ZMYM1: variants seen among roughly 807,000 people sequenced by gnomAD.
The protein encoded by ZMYM1 is zinc finger MYM-type protein 1.
Under a neutral mutation model 60.0 loss-of-function variants are expected in ZMYM1, and 39 were observed. The observed-to-expected ratio is 0.65, with a 90% CI of 0.50 to 0.85. ZMYM1 has a LOEUF of 0.85. Among genes scored for constraint, ZMYM1 ranks in the 40% least tolerant of loss-of-function variants. The pLI is 0.00. For missense variants in ZMYM1, 1,171 were observed against 1,309.5 expected (o/e 0.89, Z 1.63); for synonymous variants, 413 against 454.0 (o/e 0.91, Z 1.15).
At chr1:35,104,139 T>C (rs1412558967) in intron 4 of ZMYM1, 156 bp from the exon 5 acceptor site, 1 of 618,386 alleles carries the variant, frequency 1.6e-6, no homozygotes, top group Non-Finnish European at 2.7e-6. Context: ...AATTAAAATT[T>C]AGGGAGTATA....
chr1:35,073,001 G>A (rs2148479432), intron 1 of ZMYM1, among the ~76,000 whole-genome samples: 1 of 152,052 alleles, frequency 6.6e-6, no homozygotes. Flanking sequence ...AGAATCACTT[G>A]AACCTGGGAG....
At chr1:35,106,608 CAAAAAAA>C (rs752085700) in intron 6 of ZMYM1, among the ~76,000 whole-genome samples, 15 of 38,860 alleles carry the variant, frequency 3.9e-4, no homozygotes, top group East Asian at 3.3e-3. Context: ...GACTCCGTCT[CAAAAAAA>C]AAAAAAAAAA....
rs1418183703 is a variant in ZMYM1, at chr1:35,114,096, A to G, written c.2266A>G (p.Arg756Gly). 6.2e-7 allele frequency: 1 copy of G among 1,612,826 alleles called. No homozygotes were observed. The highest frequency in any genetic ancestry group is 8.5e-7 in the Non-Finnish European group (1 of 1,179,610). ...ACACTTTTTGGATTTATCAATAATT[A>G]GGTTTTGTAAAGAAGTAAAAGAACT... is the stretch of plus-strand genomic sequence containing the variant. ...YAHFLDLSII[R>G]FCKEVKELRS... The change falls in exon 10 of 10, where the codon AGG (arginine) becomes GGG (glycine). Residue 756 changes from arginine to glycine, a missense_variant. By Grantham distance (125) the Arg-to-Gly change is moderately radical. Coordinates refer to ENST00000359858, the MANE Select transcript of ZMYM1 (RefSeq NM_024772.5).
chr1:35,095,930 C>G, intron 3 of ZMYM1, 39 bp downstream of exon 3: 1 of 1,394,508 alleles, frequency 7.2e-7, no homozygotes, highest in Non-Finnish European at 1.0e-6. Context: ...TTATTCAGAC[C>G]AATACGACAG....
rs752498281 is a variant in ZMYM1 at position 35,114,201 on chromosome 1, AT to A, written c.2374del (p.Tyr792IlefsTer3). 3 of 1,612,944 alleles carry A rather than the reference AT, an allele frequency of 1.9e-6. No individual in the cohort carries two copies. In the East Asian group the frequency reaches 6.7e-5, roughly 36 times the overall value. On this transcript the variant is annotated frameshift_variant, in exon 10 of 10. Coordinates refer to ENST00000359858, the MANE Select transcript of ZMYM1 (RefSeq NM_024772.5). LOFTEE classifies it high-confidence loss of function. ...SGEMLANFRN[I>X]YRLSQNKTCK... ...GGAAATGTTGGCAAATTTTCGAAAC[AT>A]TTATAGGCTAAGTCAAAACAAAACA...
At chr1:35,097,237 A>G in intron 3 of ZMYM1, 80 bp from the exon 4 acceptor site, 1 of 1,473,802 alleles carries the variant, frequency 6.8e-7, no homozygotes, top group East Asian at 2.3e-5. Context: ...CTCTAAAAAA[A>G]GAAAGAAAGA....
intron 8 of ZMYM1, 67 bp from the exon 9 acceptor site, chr1:35,112,020 A>G: frequency 2.6e-6 from 4 of 1,562,462 alleles, no homozygotes; most frequent in Non-Finnish European, 3.5e-6. Flanking sequence ...ATAAGCAAAT[A>G]TAGTTTATGA....
chr1:35,114,402 T>G lies in ZMYM1; in HGVS notation c.2572T>G (p.Phe858Val), dbSNP rs1233077797. ...HLLTLVSKFE[F>V]VFCLKFLYRV... ...GCTGACATTGGTTTCCAAATTTGAA[T>G]TTGTCTTTTGTTTGAAATTCCTGTA... The change falls in exon 10 of 10, where the codon TTT becomes GTT. Residue 858 changes from phenylalanine (F) to valine (V), a missense_variant. Transcript: ENST00000359858. 9.9e-6 allele frequency: 16 copies of G among 1,612,938 alleles called. No homozygotes were observed. The highest frequency in any genetic ancestry group is 1.3e-5 in the African/African-American group (1 of 74,914).
At chr1:35,090,278 G>A (rs1642926143) in intron 1 of ZMYM1, among the ~76,000 whole-genome samples, 1 of 152,044 alleles carries the variant, frequency 6.6e-6, no homozygotes, top group Admixed American at 6.6e-5. Flanking sequence ...GTGGCAGGAA[G>A]GGAAAGGGTT....
intron 4 of ZMYM1, among the ~76,000 whole-genome samples, chr1:35,099,845 G>A (rs1034181938): frequency 2.0e-5 from 3 of 152,024 alleles, no homozygotes; most frequent in African/African-American, 4.8e-5. Context: ...GATTACAGGT[G>A]TGAGCCACCG....
rs1302745975 is a variant in ZMYM1 at position 35,114,403 on chromosome 1, T to A, written c.2573T>A (p.Phe858Tyr). The A allele has an allele frequency of 1.9e-6, 3 of 1,613,004 alleles. No homozygotes were observed. The highest frequency in any genetic ancestry group is 2.5e-6 in the Non-Finnish European group (3 of 1,179,378). ...HLLTLVSKFEFVFCLKFLYRV... is the reference protein window; with the variant it reads ...HLLTLVSKFEYVFCLKFLYRV... ...CTGACATTGGTTTCCAAATTTGAATTTGTCTTTTGTTTGAAATTCCTGTAT... is the reference window on the plus strand; with the variant it reads ...CTGACATTGGTTTCCAAATTTGAATATGTCTTTTGTTTGAAATTCCTGTAT... The change falls in exon 10 of 10, where the codon TTT becomes TAT. Residue 858 changes from phenylalanine to tyrosine, a missense_variant. Coordinates refer to ENST00000359858, the MANE Select transcript of ZMYM1 (RefSeq NM_024772.5).
chr1:35,088,434 G>GTATATACATATATATA (rs1642781356), intron 1 of ZMYM1, among the ~76,000 whole-genome samples: 2 of 68,054 alleles, frequency 2.9e-5, no homozygotes, highest in Non-Finnish European at 6.2e-5. Flanking sequence ...GTGTTTATGT[G>GTATATACATATATATA]TATATATATA....
chr1:35,060,645 C>G (rs1641856893), intron 1 of ZMYM1, among the ~76,000 whole-genome samples: 1 of 152,158 alleles, frequency 6.6e-6, no homozygotes, highest in South Asian at 2.1e-4. Context: ...GCTGTGTCCT[C>G]AGCTCCCACA....
Position 35,114,521 on chromosome 1 carries a change from G to A in ZMYM1, c.2691G>A (p.Leu897=), listed in dbSNP as rs1644203209. 1.9e-6 allele frequency: 3 copies of A among 1,610,042 alleles called. No homozygotes were observed. Among genetic ancestry groups the A allele is most frequent in the Middle Eastern group, 1.7e-4 (1 of 6,046 alleles). Residue 897 remains leucine, a synonymous_variant, in exon 10 of 10, where the codon TTG becomes TTA. Coordinates refer to ENST00000359858, the MANE Select transcript of ZMYM1 (RefSeq NM_024772.5). Reference sequence around the variant, plus strand: ...TGTCTTCAAAAATAGAAGCAATTTTGGAATGTTTATCATCTGAAAGAAATG... The same window carrying A: ...TGTCTTCAAAAATAGAAGCAATTTTAGAATGTTTATCATCTGAAAGAAATG... ...FSLSSKIEAI[L]ECLSSERNDV...
rs375136566 is a variant in ZMYM1, at chr1:35,088,805, C to CTTT, written c.-74-5093_-74-5091dup. On this transcript the variant is annotated intron_variant, in intron 1 of 9. Transcript: ENST00000359858. Reference sequence around the variant, plus strand: ...CCTCAGAAATTTTCAGGATGCTTTCCTTTTTTTTTTTTTTTTTTGTTTTTG... The same window carrying CTTT: ...CCTCAGAAATTTTCAGGATGCTTTCCTTTTTTTTTTTTTTTTTTTTTGTTTTTG... Among the ~76,000 whole-genome samples, 351 of 119,578 alleles carry CTTT rather than the reference C, an allele frequency of 2.9e-3. 1 individual carries two copies. The highest frequency in any genetic ancestry group is 5.8e-3 in the Middle Eastern group (1 of 172). 78.4% of individuals were successfully genotyped at this position (119,578 alleles called of 152,430 possible).
chr1:35,097,321 A>C lies in ZMYM1; in HGVS notation c.174A>C (p.Ser58=), dbSNP rs758459478. Residue 58 remains serine, a synonymous_variant, in exon 4 of 10, where the codon TCA becomes TCC. Coordinates refer to ENST00000359858, the MANE Select transcript of ZMYM1 (RefSeq NM_024772.5). ...CTCCCTCTTGTGTTTTTATAGCTTC[A>C]CAGTTGACTGCAGGCATTCAGCTTT... The part of the protein sequence containing the change: ...KINAVFSESA[S]QLTAGIQLSL... The C allele has an allele frequency of 6.3e-7, 1 of 1,594,230 alleles. No homozygotes were observed. The highest frequency in any genetic ancestry group is 1.1e-5 in the South Asian group (1 of 87,794).
intron 1 of ZMYM1, among the ~76,000 whole-genome samples, chr1:35,069,649 A>T (rs4316331): frequency 1 from 151,538 of 152,002 alleles, 75,537 homozygotes; most frequent in Non-Finnish European, 1. Context: ...TTATTTTTTT[A>T]AAAAAATTGC....
At chr1:35,082,938 G>A (rs1642467787) in intron 1 of ZMYM1, among the ~76,000 whole-genome samples, 1 of 151,952 alleles carries the variant, frequency 6.6e-6, no homozygotes, top group South Asian at 2.1e-4. Flanking sequence ...CTGAGATTGT[G>A]CCATTGCACT....
intron 1 of ZMYM1, among the ~76,000 whole-genome samples, chr1:35,071,692 A>G (rs761347800): frequency 1.3e-4 from 20 of 152,202 alleles, no homozygotes; most frequent in South Asian, 4.1e-4. Flanking sequence ...GGGATATTGA[A>G]CTGTAGTTTT....
Sources: gnomAD v4.1 joint callset for allele counts (sites outside exome capture counted in the v4.1 genomes callset) on GRCh38, gnomAD v4.1.1 for gene constraint, MANE v1.5 for transcripts, NCBI Gene and HGNC (gene_info 2026-07-23, HGNC 2026-07-21) for gene names.